ADSS1: variants seen among roughly 807,000 people sequenced by gnomAD.
ADSS1 encodes adenylosuccinate synthetase isozyme 1.
Under a neutral mutation model 59.1 loss-of-function variants are expected in ADSS1, and 57 were observed. That is an observed-to-expected ratio of 0.97 (90% CI 0.78 to 1.20). The LOEUF is 1.20. Ranked by LOEUF, ADSS1 falls within the 50% of genes most tolerant of loss-of-function variation. The probability of loss-of-function intolerance (pLI) is 0.00; values close to 1 mark genes in which losing one functional copy is unlikely to be tolerated. For synonymous variants in ADSS1, 247 were observed against 249.4 expected (o/e 0.99, Z 0.09); for missense variants, 603 against 610.3 (o/e 0.99, Z 0.13).
intron 1 of ADSS1, among the ~76,000 whole-genome samples, chr14:104,725,048 G>A (rs868539293): frequency 6.6e-6 from 1 of 152,294 alleles, no homozygotes; most frequent in African/African-American, 2.4e-5. Flanking sequence ...CGCGCCTGAG[G>A]GAGGGTGCTT....
intron 8 of ADSS1, 138 bp downstream of exon 8, chr14:104,741,381 G>A: frequency 1.7e-6 from 2 of 1,175,490 alleles, no homozygotes; most frequent in Non-Finnish European, 2.3e-6. Context: ...CATGCCCGCG[G>A]AAATGATCCT....
At chr14:104,726,600 T>G (rs1046549820) in intron 1 of ADSS1, among the ~76,000 whole-genome samples, 6 of 152,072 alleles carry the variant, frequency 3.9e-5, no homozygotes, top group African/African-American at 1.4e-4. Context: ...TGGCAGAGGG[T>G]CTGGCTGGAT....
chr14:104,726,093 G>A (rs1344585656), intron 1 of ADSS1, among the ~76,000 whole-genome samples: 1 of 152,176 alleles, frequency 6.6e-6, no homozygotes, highest in Non-Finnish European at 1.5e-5. Flanking sequence ...GCCCCCGCCA[G>A]GCCACCCCCA....
At chr14:104,732,460 G>C (rs942785185) in intron 1 of ADSS1, among the ~76,000 whole-genome samples, 2 of 152,210 alleles carry the variant, frequency 1.3e-5, no homozygotes, top group African/African-American at 4.8e-5. Context: ...GGGAGCCCCT[G>C]CGGATCAGCA....
At position 104,724,310 on chromosome 14, in the gene ADSS1, G is replaced by T; in HGVS notation, c.40G>T (p.Ala14Ser). 8.1e-7 allele frequency: 1 copy of T among 1,235,232 alleles called. No homozygotes were observed. The allele number at this position is 1,235,232 out of a possible 1,614,324, so 76.5% of individuals were successfully genotyped here. A position where few individuals can be genotyped will look rare whatever the true frequency, so the allele number is the denominator to read the frequency against. Residue 14 changes from alanine to serine, a missense_variant, in exon 1 of 13, where the codon GCA (alanine) becomes TCA (serine). Physicochemically the swap from Ala to Ser is moderately conservative, Grantham distance 99. Coordinates refer to ENST00000330877, the MANE Select transcript of ADSS1 (RefSeq NM_152328.5). ...AGCCTCCAACGACCGGCCCCCCGGC[G>T]CAGGCGGCGTCAAGCGGGGGCGGCT... Reference protein sequence around the residue: ...TRASNDRPPGAGGVKRGRLQQ... With the variant: ...TRASNDRPPGSGGVKRGRLQQ...
intron 10 of ADSS1, chr14:104,743,443 C>T (rs1891446304): frequency 2.1e-6 from 1 of 474,344 alleles, no homozygotes; most frequent in Non-Finnish European, 3.8e-6. Context: ...GAGGGCATCC[C>T]GGCACTTGTG....
chr14:104,736,350 C>T (rs978272902), intron 2 of ADSS1, among the ~76,000 whole-genome samples: 2 of 152,256 alleles, frequency 1.3e-5, no homozygotes, highest in Non-Finnish European at 2.9e-5. Flanking sequence ...CCGCCAGCCT[C>T]GTCCTGCCCA....
At chr14:104,738,803 G>A (rs182453389) in intron 3 of ADSS1, among the ~76,000 whole-genome samples, 71 of 152,358 alleles carry the variant, frequency 4.7e-4, no homozygotes, top group Non-Finnish European at 2.8e-4. Flanking sequence ...CAGGCACGCA[G>A]AGGCCAGACC....
chr14:104,735,022 G>A lies in ADSS1; in HGVS notation c.195G>A (p.Gly65=), dbSNP rs1342271076. Residue 65 remains glycine (G), a splice_region_variant and synonymous_variant, in exon 2 of 13, where the codon GGG becomes GGA. Coordinates refer to ENST00000330877, the MANE Select transcript of ADSS1 (RefSeq NM_152328.5). ...TDADIISRCQ[G]GNNAGHTVVV... is the part of the protein sequence containing the mutation. ...GCTCAGCCGGGTTTCTGTTCCAGGG[G>A]GGCAACAACGCCGGCCACACGGTGG... The A allele has an allele frequency of 6.2e-7, 1 of 1,612,708 alleles. No individual in the cohort carries two copies. Among genetic ancestry groups the A allele is most frequent in the East Asian group, 2.2e-5 (1 of 44,798 alleles).
intron 1 of ADSS1, among the ~76,000 whole-genome samples, chr14:104,732,650 C>G (rs947805366): frequency 2.0e-5 from 3 of 152,232 alleles, no homozygotes; most frequent in African/African-American, 7.2e-5. Flanking sequence ...TTGACGTGGG[C>G]ACTGGGCACT....
At chr14:104,729,558 G>C (rs1174150101) in intron 1 of ADSS1, among the ~76,000 whole-genome samples, 2 of 119,172 alleles carry the variant, frequency 1.7e-5, no homozygotes, top group South Asian at 3.1e-4. Context: ...TGGCGTCGGC[G>C]TGGTGGGGAG....
intron 10 of ADSS1, 34 bp from the exon 11 acceptor site, chr14:104,744,778 T>A (rs1459103441): frequency 6.2e-7 from 1 of 1,605,822 alleles, no homozygotes; most frequent in Non-Finnish European, 8.5e-7. Flanking sequence ...GCTGACCACT[T>A]CTTGGGTTTG....
Position 104,735,583 on chromosome 14 carries a change from T to C in ADSS1, c.295+461T>C, listed in dbSNP as rs1258910899. Reference sequence around the variant, plus strand: ...TGCCCTCCCCGGCCCTGCCGAGCCATGTGGCCGTCCTCTTGCCTGGGCTGC... The same window carrying C: ...TGCCCTCCCCGGCCCTGCCGAGCCACGTGGCCGTCCTCTTGCCTGGGCTGC... On this transcript the variant is annotated intron_variant, in intron 2 of 12. Coordinates refer to ENST00000330877, the MANE Select transcript of ADSS1 (RefSeq NM_152328.5). 1.3e-5 allele frequency among the ~76,000 whole-genome samples: 2 copies of C among 152,202 alleles called. 1 individual carries two copies.
intron 10 of ADSS1, 98 bp downstream of exon 10, chr14:104,743,289 G>C: frequency 6.5e-7 from 1 of 1,532,358 alleles, no homozygotes; most frequent in East Asian, 2.3e-5. Context: ...GGGCCACCAA[G>C]TCTCCTTGGA....
intron 3 of ADSS1, 54 bp from the exon 4 acceptor site, chr14:104,739,274 T>A (rs1891242190): frequency 1.9e-6 from 3 of 1,563,478 alleles, no homozygotes; most frequent in Admixed American, 1.8e-5. Context: ...CCCTCACGTG[T>A]GAGCTGCAGC....
In ADSS1 at chr14:104,724,244, C is replaced by T. The variant is rs1235366218; in HGVS notation, c.-27C>T. ...CGGCGGCGGCGGGCTCCTGGCCGGG[C>T]CAGCGCAGCGGAAGAGCCAAGCCAG... On this transcript the variant is annotated 5_prime_UTR_variant, in exon 1 of 13. Transcript: ENST00000330877. 6.5e-6 allele frequency: 8 copies of T among 1,223,710 alleles called. No individual in the cohort carries two copies. The highest frequency in any genetic ancestry group is 8.1e-6 in the Non-Finnish European group (8 of 982,206). The allele number at this position is 1,223,710 out of a possible 1,614,324, so 75.8% of individuals were successfully genotyped here. A position where few individuals can be genotyped will look rare whatever the true frequency, so the allele number is the denominator to read the frequency against.
chr14:104,730,189 A>G (rs1890870708), intron 1 of ADSS1: 1 of 1,526,194 alleles, frequency 6.6e-7, no homozygotes. Flanking sequence ...CAGGAGCCGG[A>G]TCCTTAACAC....
chr14:104,739,575 A>C, intron 4 of ADSS1, 175 bp from the exon 5 acceptor site: 1 of 889,902 alleles, frequency 1.1e-6, no homozygotes, highest in Non-Finnish European at 1.7e-6. Context: ...GCCCATTTGC[A>C]GGTGGGGAGA....
chr14:104,740,504 C>G lies in ADSS1; in HGVS notation c.477-97C>G. 2 of 1,070,214 alleles carry G rather than the reference C, an allele frequency of 1.9e-6. No individual in the cohort carries two copies. Among genetic ancestry groups the G allele is most frequent in the Admixed American group, 2.0e-5 (1 of 49,922 alleles). The allele number at this position is 1,070,214 out of a possible 1,614,324, so 66.3% of individuals were successfully genotyped here. A position where few individuals can be genotyped will look rare whatever the true frequency, so the allele number is the denominator to read the frequency against. ...CAGACACAGGCAGCAATGGTGGGCA[C>G]TGGAGTCATGAGCCGGCGGGGGTCA... On this transcript the variant is annotated intron_variant, in intron 5 of 12. Transcript: ENST00000330877. The surrounding 1 kb of genome is among the most constrained non-coding windows in gnomAD (Gnocchi z 4.8).
Sources: gnomAD v4.1 joint callset for allele counts (sites outside exome capture counted in the v4.1 genomes callset) on GRCh38, gnomAD v4.1.1 for gene constraint, Gnocchi (gnomAD v3.1) non-coding constraint, MANE v1.5 for transcripts, NCBI Gene and HGNC (gene_info 2026-07-23, HGNC 2026-07-21) for gene names.